Variants in STX8 observed in about 807,000 individuals in gnomAD.
The protein encoded by STX8 is syntaxin 8.
Under a neutral mutation model 37.5 loss-of-function variants are expected in STX8, and 23 were observed. The observed-to-expected ratio is 0.61, with a 90% CI of 0.44 to 0.87. STX8 has a LOEUF of 0.87. Among genes scored for constraint, STX8 ranks in the 40% least tolerant of loss-of-function variants. The probability of loss-of-function intolerance (pLI) is 0.00; values close to 1 mark genes in which losing one functional copy is unlikely to be tolerated. For missense variants in STX8, 313 were observed against 284.7 expected, an observed-to-expected ratio of 1.10 and a Z score of -0.71; for synonymous variants, 115 against 99.1, an observed-to-expected ratio of 1.16 and a Z score of -0.95.
chr17:9,505,228 C>A (rs1383344149), intron 4 of STX8, 66 bp from the exon 5 acceptor site: 1 of 1,555,894 alleles, frequency 6.4e-7, no homozygotes, highest in Non-Finnish European at 8.7e-7. Context: ...ATTACTCCCA[C>A]AAGTGCAGAG....
At chr17:9,307,086 T>C (rs1001054442) in intron 7 of STX8, among the ~76,000 whole-genome samples, 16 of 152,158 alleles carry the variant, frequency 1.1e-4, no homozygotes, top group African/African-American at 3.1e-4. Flanking sequence ...ATCCTGCCAC[T>C]GCACTCCAGC....
rs141846328 is a variant in STX8, at chr17:9,250,588, G to A, written c.701C>T (p.Pro234Leu). 13 of 1,595,412 alleles carry A rather than the reference G, an allele frequency of 8.1e-6. No homozygotes were observed. The highest frequency in any genetic ancestry group is 1.3e-5 in the African/African-American group (1 of 74,846). Residue 234 changes from proline (P) to leucine (L), a missense_variant, in exon 8 of 8, where the codon CCG becomes CTG. By Grantham distance (98) the Pro-to-Leu change is moderately conservative. Coordinates refer to ENST00000306357, the MANE Select transcript of STX8 (RefSeq NM_004853.3). ...LVAIVVVAVW[P>L]TN ...GTCTCTTTACTGCCATCAGTTGGTC[G>A]GCCAGACTGCAACAACCACGATAGC...
intron 4 of STX8, among the ~76,000 whole-genome samples, chr17:9,520,536 T>C (rs1905304666): frequency 1.3e-5 from 2 of 152,200 alleles, no homozygotes; most frequent in Admixed American, 6.5e-5. Flanking sequence ...AAATGAAACT[T>C]ATCAAATAAA....
chr17:9,436,104 T>C (rs1350387581), intron 6 of STX8, among the ~76,000 whole-genome samples: 2 of 151,654 alleles, frequency 1.3e-5, no homozygotes, highest in African/African-American at 4.9e-5. Context: ...CCACCTTGGC[T>C]GGGCGCCGTG....
intron 7 of STX8, among the ~76,000 whole-genome samples, chr17:9,253,230 G>GTGTGTGTGAT (rs1391648177): frequency 2.0e-5 from 3 of 151,844 alleles, no homozygotes; most frequent in Non-Finnish European, 4.4e-5. Flanking sequence ...GTGTGTGTGT[G>GTGTGTGTGAT]TGTGTGTGTG....
At chr17:9,295,509 C>G (rs1291641878) in intron 7 of STX8, among the ~76,000 whole-genome samples, 3 of 152,176 alleles carry the variant, frequency 2.0e-5, no homozygotes, top group African/African-American at 7.2e-5. Flanking sequence ...CTTTCGGGAG[C>G]TGAGGCGGGC....
chr17:9,380,884 T>C (rs1242936713), intron 6 of STX8, among the ~76,000 whole-genome samples: 1 of 151,812 alleles, frequency 6.6e-6, no homozygotes, highest in Non-Finnish European at 1.5e-5. Context: ...TTTTTGTATT[T>C]TTGTATTTTT....
At chr17:9,285,003 G>A (rs990066537) in intron 7 of STX8, among the ~76,000 whole-genome samples, 1 of 152,104 alleles carries the variant, frequency 6.6e-6, no homozygotes, top group Non-Finnish European at 1.5e-5. Flanking sequence ...TAAGTTTTCT[G>A]GAATACTAGG....
intron 6 of STX8, among the ~76,000 whole-genome samples, chr17:9,447,890 T>C (rs1306881847): frequency 2.6e-5 from 4 of 151,992 alleles, no homozygotes; most frequent in African/African-American, 7.2e-5. Context: ...AATATAAGAA[T>C]ATGGTTGGCC....
intron 6 of STX8, among the ~76,000 whole-genome samples, chr17:9,445,057 A>T (rs1309499694): frequency 6.6e-6 from 1 of 151,898 alleles, no homozygotes; most frequent in Admixed American, 6.6e-5. Flanking sequence ...TGGAGAAGCT[A>T]GCTAAAGAGA....
intron 6 of STX8, among the ~76,000 whole-genome samples, chr17:9,470,737 C>CT (rs925648056): frequency 8.6e-5 from 13 of 151,748 alleles, no homozygotes; most frequent in African/African-American, 1.5e-4. Context: ...TTTCTTTTTT[C>CT]TTTTTTTGAG....
intron 3 of STX8, chr17:9,553,006 A>C (rs540589244): frequency 6.6e-6 from 1 of 152,200 alleles, no homozygotes; most frequent in African/African-American, 2.4e-5. Flanking sequence ...TTTGACATCA[A>C]ACCCCTCTGT....
intron 6 of STX8, among the ~76,000 whole-genome samples, chr17:9,414,831 T>TCCAG (rs1402215449): frequency 1.0e-4 from 13 of 124,738 alleles, no homozygotes; most frequent in Non-Finnish European, 2.1e-4. Flanking sequence ...TCTCTTGTCA[T>TCCAG]CCAGGCCGGA....
chr17:9,471,031 CTTTTTTTTTTTTTTTTT>C (rs757411419), intron 6 of STX8, among the ~76,000 whole-genome samples: 1 of 33,054 alleles, frequency 3.0e-5, no homozygotes, highest in African/African-American at 1.1e-4. Flanking sequence ...CTGCATCCTG[CTTTTTTTTTTTTTTTTT>C]TTTTTTGACA....
intron 6 of STX8, among the ~76,000 whole-genome samples, chr17:9,391,944 A>G (rs926787507): frequency 6.6e-6 from 1 of 152,202 alleles, no homozygotes; most frequent in African/African-American, 2.4e-5. Context: ...AGCTGACCCC[A>G]AATAGTATAC....
At chr17:9,408,871 T>C (rs1380675460) in intron 6 of STX8, among the ~76,000 whole-genome samples, 1 of 152,148 alleles carries the variant, frequency 6.6e-6, no homozygotes, top group East Asian at 1.9e-4. Flanking sequence ...GTGAGGGTCC[T>C]ATGCAGGTCC....
chr17:9,367,541 T>C (rs1480000580), intron 7 of STX8, among the ~76,000 whole-genome samples: 1 of 152,114 alleles, frequency 6.6e-6, no homozygotes, highest in African/African-American at 2.4e-5. Context: ...AAATCCTACC[T>C]GAGAGAAAAA....
intron 2 of STX8, among the ~76,000 whole-genome samples, chr17:9,562,734 A>G (rs1907295982): frequency 6.6e-6 from 1 of 152,172 alleles, no homozygotes; most frequent in Non-Finnish European, 1.5e-5. Context: ...AGGTTAACAA[A>G]AATTCAGAAG....
At chr17:9,547,777 C>CTTTTTTT (rs931614569) in intron 3 of STX8, among the ~76,000 whole-genome samples, 1 of 123,232 alleles carries the variant, frequency 8.1e-6, no homozygotes, top group Non-Finnish European at 1.7e-5. Context: ...CTTTTCTTTT[C>CTTTTTTT]TTTTCTTTTT....
Sources: allele counts gnomAD v4.1 joint callset (sites outside exome capture counted in the v4.1 genomes callset), GRCh38; gene constraint gnomAD v4.1.1; transcripts MANE v1.5; gene names NCBI Gene and HGNC (gene_info 2026-07-23, HGNC 2026-07-21).